The following TNRC6C variants were observed in gnomAD, a reference collection of about 807,000 sequenced individuals.
TNRC6C encodes trinucleotide repeat-containing gene 6C protein.
A neutral mutation model predicts 153.7 loss-of-function variants in TNRC6C; 20 were observed. The observed-to-expected ratio is 0.13, with a 90% CI of 0.09 to 0.19. The LOEUF is 0.19. TNRC6C is among the 10% of genes least tolerant of loss of function. The pLI is 1.00. For synonymous variants in TNRC6C, 811 were observed against 841.4 expected, an observed-to-expected ratio of 0.96 and a Z score of 0.63; for missense variants, 1,987 against 2,172.0, an observed-to-expected ratio of 0.91 and a Z score of 1.69.
intron 9 of TNRC6C, chr17:78,077,900 A>C (rs541005150): frequency 6.4e-6 from 1 of 155,932 alleles, no homozygotes; most frequent in Non-Finnish European, 1.4e-5. Flanking sequence ...TTGCCACTTC[A>C]TCTCACTTTT....
At chr17:78,098,652 G>C in intron 17 of TNRC6C, 115 bp downstream of exon 20, 1 of 1,172,356 alleles carries the variant, frequency 8.5e-7, no homozygotes, top group Non-Finnish European at 1.2e-6. Flanking sequence ...TGGAGCCTGG[G>C]AGGGCTTAGG....
intron 4 of TNRC6C, among the ~76,000 whole-genome samples, chr17:78,067,458 C>T (rs566379120): frequency 4.3e-4 from 65 of 152,292 alleles, no homozygotes; most frequent in Admixed American, 9.2e-4. Flanking sequence ...TCCCTGGTGG[C>T]CCCAGGATTT....
At chr17:78,004,001 G>A, upstream of TNRC6C, 1 of 604,094 alleles carries the variant, frequency 1.7e-6, no homozygotes, top group Non-Finnish European at 2.1e-6. Flanking sequence ...AGAAGTCAGG[G>A]CAACCTGCAG....
At chr17:78,001,314 C>G (rs1434816138), upstream of TNRC6C, among the ~76,000 whole-genome samples, 1 of 152,144 alleles carries the variant, frequency 6.6e-6, no homozygotes, top group Non-Finnish European at 1.5e-5. Flanking sequence ...TGCTCTGGGC[C>G]CAGCAGTTGA....
At chr17:77,984,417 G>T (rs1353929956) in intron 1 of TNRC6C, among the ~76,000 whole-genome samples, 2 of 151,942 alleles carry the variant, frequency 1.3e-5, no homozygotes, top group Non-Finnish European at 2.9e-5. Context: ...AGTGTCAGCT[G>T]CTCCAGAGGC....
rs757001130 is a variant in TNRC6C at position 78,104,831 on chromosome 17, G to A, written c.5059G>A (p.Gly1687Arg). ...CCTGCTGCCTGGGGACCTGCTCAGC[G>A]GGGAGTCCCTGTAGGCTCTGCCATC... Residue 1687 changes from glycine (G) to arginine (R), a missense_variant, in exon 20 of 20, where the codon GGG becomes AGG. Coordinates refer to ENST00000301624, the Ensembl canonical transcript of TNRC6C. This position sits in a 1 kb window ranked among gnomAD's most constrained non-coding sequence, Gnocchi z 6.2. 2.4e-5 allele frequency: 35 copies of A among 1,436,650 alleles called. No individual in the cohort carries two copies. Among genetic ancestry groups the A allele is most frequent in the Admixed American group, 5.5e-5 (2 of 36,462 alleles). 89.0% of individuals were successfully genotyped at this position (1,436,650 alleles called of 1,614,324 possible). A position where few individuals can be genotyped will look rare whatever the true frequency, so the allele number is the denominator to read the frequency against.
chr17:78,097,985 G>A lies in TNRC6C; in HGVS notation c.4307-358G>A, dbSNP rs181790775. The A allele has an allele frequency of 1.0e-4, 89 of 856,632 alleles. 3 individuals carry two copies. Among genetic ancestry groups the A allele is most frequent in the African/African-American group, 9.6e-4 (56 of 58,464 alleles). 53.1% of individuals were successfully genotyped at this position (856,632 alleles called of 1,614,324 possible). A position where few individuals can be genotyped will look rare whatever the true frequency, so the allele number is the denominator to read the frequency against. On this transcript the variant is annotated intron_variant, in intron 16 of 19. Transcript: ENST00000301624. The stretch of plus-strand genomic sequence containing the variant: ...TCCCTGAGCTGGGAGGCCGTGTGGC[G>A]TGATGAAGGATGGGTGGGGGCCTTG...
chr17:78,072,970 A>G, intron 6 of TNRC6C, 67 bp from the exon 9 acceptor site: 1 of 1,205,550 alleles, frequency 8.3e-7, no homozygotes, highest in Admixed American at 2.2e-5. Flanking sequence ...GATAGTGATT[A>G]AATTGTTTGT....
intron 1 of TNRC6C, among the ~76,000 whole-genome samples, chr17:77,973,650 T>C (rs1354288664): frequency 6.6e-6 from 1 of 152,206 alleles, no homozygotes; most frequent in Non-Finnish European, 1.5e-5. Context: ...AGGTCACAGC[T>C]TACAAGACCA....
chr17:77,966,677 G>A (rs2070898997), intron 1 of TNRC6C, among the ~76,000 whole-genome samples: 1 of 152,228 alleles, frequency 6.6e-6, no homozygotes, highest in South Asian at 2.1e-4. Flanking sequence ...GTGTTCTGCA[G>A]TAGAGATTTG....
At chr17:77,965,992 G>A (rs559304532) in intron 1 of TNRC6C, among the ~76,000 whole-genome samples, 5 of 152,280 alleles carry the variant, frequency 3.3e-5, no homozygotes, top group African/African-American at 1.2e-4. Flanking sequence ...TCCCCAGAGA[G>A]GGCCTGTGGG....
chr17:78,091,632 G>A, intron 14 of TNRC6C, 25 bp downstream of exon 16: 1 of 1,464,566 alleles, frequency 6.8e-7, no homozygotes, highest in East Asian at 2.6e-5. Flanking sequence ...GGATGCCTGT[G>A]GTGGGATCAC....
intron 3 of TNRC6C, among the ~76,000 whole-genome samples, chr17:78,052,936 G>A (rs2072567308): frequency 6.6e-6 from 1 of 152,074 alleles, no homozygotes; most frequent in Admixed American, 6.5e-5. Flanking sequence ...TCTGTGAATT[G>A]GCATTTTTTT....
chr17:78,068,486 T>A (rs2072925753), intron 5 of TNRC6C, among the ~76,000 whole-genome samples: 1 of 152,054 alleles, frequency 6.6e-6, no homozygotes, highest in Admixed American at 6.6e-5. Flanking sequence ...AGACAGATGG[T>A]TAAGAAGTCT....
intron 1 of TNRC6C, among the ~76,000 whole-genome samples, chr17:77,971,980 A>G (rs1308944065): frequency 6.6e-6 from 1 of 152,176 alleles, no homozygotes; most frequent in Non-Finnish European, 1.5e-5. Context: ...GAGAAAGATC[A>G]CAGATCAGTC....
chr17:78,100,141 G>A (rs1459114168), intron 17 of TNRC6C, among the ~76,000 whole-genome samples: 3 of 152,226 alleles, frequency 2.0e-5, no homozygotes, highest in African/African-American at 7.2e-5. Flanking sequence ...GGTATTGTCT[G>A]CAGCTTTTCC....
At chr17:78,086,344 A>C (rs978755751) in intron 11 of TNRC6C, among the ~76,000 whole-genome samples, 159 bp from the exon 14 acceptor site, 14 of 116,900 alleles carry the variant, frequency 1.2e-4, no homozygotes, top group African/African-American at 3.0e-4. Context: ...AAAAAAAAAA[A>C]AAAAAAAAAA....
upstream of TNRC6C, among the ~76,000 whole-genome samples, chr17:78,000,630 C>CCCCCCCCCCA (rs1555628277): frequency 1.6e-5 from 1 of 62,308 alleles, no homozygotes; most frequent in African/African-American, 9.4e-5. Flanking sequence ...CCCCCCCCCC[C>CCCCCCCCCCA]CACACACACA....
chr17:78,104,577 C>T lies in TNRC6C; in HGVS notation c.4805C>T (p.Thr1602Ile). The change falls in exon 20 of 20, where the codon ACT (threonine) becomes ATT (isoleucine). Residue 1602 changes from threonine (T) to isoleucine (I), a missense_variant. Coordinates refer to ENST00000301624, the Ensembl canonical transcript of TNRC6C. The surrounding 1 kb of genome is among the most constrained non-coding windows in gnomAD (Gnocchi z 6.2). ...GCCCAAGGCCAGGCGCTGCCACCCA[C>T]TTCCAGCTGGCAGTCCAGCAGCGCG... 2 of 1,553,676 alleles carry T rather than the reference C, an allele frequency of 1.3e-6. No homozygotes were observed. The highest frequency in any genetic ancestry group is 1.7e-6 in the Non-Finnish European group (2 of 1,148,390).
Sources: gnomAD v4.1 joint callset for allele counts (sites outside exome capture counted in the v4.1 genomes callset) on GRCh38, gnomAD v4.1.1 for gene constraint, Gnocchi (gnomAD v3.1) non-coding constraint, MANE v1.5 for transcripts, NCBI Gene and HGNC (gene_info 2026-07-23, HGNC 2026-07-21) for gene names.